The following ATG5 variants were observed in gnomAD, a reference collection of about 807,000 sequenced individuals.
ATG5 encodes the protein autophagy related 5, also known as autophagy protein 5.
Under a neutral mutation model 36.5 loss-of-function variants are expected in ATG5, and 14 were observed. The ratio of observed to expected loss-of-function variants is 0.38; its 90% CI spans 0.25 to 0.60. ATG5 has a LOEUF of 0.60. Ranked by LOEUF, ATG5 falls within the 20% of genes least tolerant of loss-of-function variation. The probability of loss-of-function intolerance (pLI) is 0.60; values close to 1 mark genes in which losing one functional copy is unlikely to be tolerated. For missense variants in ATG5, 195 were observed against 326.7 expected (o/e 0.60, Z 3.11); for synonymous variants, 95 against 101.5 (o/e 0.94, Z 0.38).
intron 5 of ATG5, among the ~76,000 whole-genome samples, chr6:106,258,089 T>C (rs1190860991): frequency 6.6e-6 from 1 of 152,202 alleles, no homozygotes; most frequent in Non-Finnish European, 1.5e-5. Flanking sequence ...TGATGAATCC[T>C]TTATTTTGCA....
chr6:106,274,350 A>G (rs1421339542), intron 5 of ATG5, among the ~76,000 whole-genome samples: 1 of 152,034 alleles, frequency 6.6e-6, no homozygotes, highest in African/African-American at 2.4e-5. Context: ...CATAAAAAAA[A>G]CACTGAAAGG....
At chr6:106,324,958 T>C (rs2114697812) in intron 1 of ATG5, among the ~76,000 whole-genome samples, 1 of 152,336 alleles carries the variant, frequency 6.6e-6, no homozygotes. Context: ...AGACAGGCTG[T>C]ACCTCCTCAC....
At chr6:106,304,097 T>C (rs1456169085) in intron 3 of ATG5, 1 of 151,976 alleles carries the variant, frequency 6.6e-6, no homozygotes, top group Non-Finnish European at 1.5e-5. Flanking sequence ...AAAAAACACC[T>C]AGAACTAGTG....
chr6:106,258,295 C>G (rs1038151307), intron 5 of ATG5, among the ~76,000 whole-genome samples: 1 of 151,906 alleles, frequency 6.6e-6, no homozygotes, highest in African/African-American at 2.4e-5. Flanking sequence ...ATTGCCTGAA[C>G]CCAGGAGGTC....
chr6:106,234,656 T>C (rs1777823315), intron 6 of ATG5, among the ~76,000 whole-genome samples: 1 of 152,212 alleles, frequency 6.6e-6, no homozygotes. Flanking sequence ...AGTGCCCCCA[T>C]GACCATTTAC....
chr6:106,270,102 T>G (rs1452143952), intron 5 of ATG5, among the ~76,000 whole-genome samples: 1 of 152,254 alleles, frequency 6.6e-6, no homozygotes, highest in African/African-American at 2.4e-5. Context: ...AGTTAATTTA[T>G]TCACTTAAAT....
chr6:106,215,207 A>T (rs1414043384), intron 6 of ATG5, among the ~76,000 whole-genome samples: 3 of 152,260 alleles, frequency 2.0e-5, no homozygotes, highest in African/African-American at 7.2e-5. Context: ...CAAAATAGCA[A>T]GAAGAAATGT....
intron 6 of ATG5, among the ~76,000 whole-genome samples, chr6:106,246,299 T>C (rs1044565725): frequency 6.6e-6 from 1 of 151,866 alleles, no homozygotes; most frequent in Non-Finnish European, 1.5e-5. Flanking sequence ...CAAGCAAATT[T>C]TGAGAATTCT....
chr6:106,292,005 A>G (rs754551044), intron 4 of ATG5, among the ~76,000 whole-genome samples: 1 of 152,234 alleles, frequency 6.6e-6, no homozygotes, highest in Non-Finnish European at 1.5e-5. Context: ...ACCTTTGGGC[A>G]GTAACTATGA....
chr6:106,317,972 T>C (rs1215170712), intron 1 of ATG5, among the ~76,000 whole-genome samples: 3 of 152,210 alleles, frequency 2.0e-5, no homozygotes, highest in African/African-American at 7.2e-5. Context: ...AGTCAACAGC[T>C]GCAACTGAGA....
intron 6 of ATG5, among the ~76,000 whole-genome samples, chr6:106,221,570 C>T (rs1017178620): frequency 2.6e-5 from 4 of 151,488 alleles, no homozygotes; most frequent in Admixed American, 1.3e-4. Context: ...CCTGTAGTCC[C>T]AGCTACTAGA....
chr6:106,263,464 G>A (rs531450945), intron 5 of ATG5, among the ~76,000 whole-genome samples: 249 of 152,298 alleles, frequency 1.6e-3, no homozygotes, highest in Non-Finnish European at 2.8e-3. Context: ...GAGAGGAGCT[G>A]ATCCTGACAA....
intron 3 of ATG5, among the ~76,000 whole-genome samples, chr6:106,306,682 T>C (rs185875957): frequency 1.0e-3 from 155 of 152,346 alleles, no homozygotes; most frequent in Non-Finnish European, 1.7e-3. Flanking sequence ...TGCAATACAA[T>C]GTAAATAACT....
At chr6:106,251,140 CT>C (rs1778560079) in intron 5 of ATG5, among the ~76,000 whole-genome samples, 1 of 152,230 alleles carries the variant, frequency 6.6e-6, no homozygotes, top group South Asian at 2.1e-4. Context: ...CTCTGGAGGC[CT>C]GCATGGGCTG....
chr6:106,322,726 C>T (rs1402198478), intron 1 of ATG5, among the ~76,000 whole-genome samples: 2 of 152,202 alleles, frequency 1.3e-5, no homozygotes, highest in African/African-American at 4.8e-5. Context: ...TTGAACCACT[C>T]CCTTGAAGAT....
At chr6:106,188,054 T>TAC (rs1775838704) in intron 7 of ATG5, among the ~76,000 whole-genome samples, 1 of 152,210 alleles carries the variant, frequency 6.6e-6, no homozygotes, top group Admixed American at 6.5e-5. Flanking sequence ...GTTGCACCTA[T>TAC]ACATAATTTG....
At chr6:106,250,101 T>C (rs1157668530) in intron 5 of ATG5, among the ~76,000 whole-genome samples, 1 of 152,180 alleles carries the variant, frequency 6.6e-6, no homozygotes, top group African/African-American at 2.4e-5. Context: ...TAAAATATTT[T>C]ATATTCAGAA....
At chr6:106,200,305 G>T (rs1049423575) in intron 7 of ATG5, among the ~76,000 whole-genome samples, 15 of 152,114 alleles carry the variant, frequency 9.9e-5, no homozygotes, top group African/African-American at 2.9e-4. Flanking sequence ...GAACTGTGTG[G>T]TATATGTCAT....
intron 6 of ATG5, among the ~76,000 whole-genome samples, chr6:106,226,971 A>C (rs977647938): frequency 2.6e-5 from 4 of 152,112 alleles, no homozygotes; most frequent in African/African-American, 9.7e-5. Context: ...AAGAGACACC[A>C]TCAGGCATAC....
Sources: allele counts gnomAD v4.1 joint callset (sites outside exome capture counted in the v4.1 genomes callset), GRCh38; gene constraint gnomAD v4.1.1; transcripts MANE v1.5; gene names NCBI Gene and HGNC (gene_info 2026-07-23, HGNC 2026-07-21).